Variants in SGCZ observed in about 807,000 individuals in gnomAD.
The protein encoded by SGCZ is zeta-sarcoglycan.
In SGCZ, 40 loss-of-function variants were observed where a neutral mutation model predicts 41.3. The ratio of observed to expected loss-of-function variants is 0.97; its 90% confidence interval spans 0.75 to 1.26. SGCZ has a LOEUF of 1.26. Ranked by LOEUF, SGCZ falls within the 50% of genes most tolerant of loss-of-function variation. The pLI, the probability that SGCZ is intolerant of heterozygous loss-of-function variation, is 0.00. For synonymous variants in SGCZ, 206 were observed against 137.5 expected (o/e 1.50, Z -3.49); for missense variants, 552 against 369.8 (o/e 1.49, Z -4.04).
At chr8:14,283,873 T>C (rs1001833939) in intron 3 of SGCZ, among the ~76,000 whole-genome samples, 1 of 152,240 alleles carries the variant, frequency 6.6e-6, no homozygotes, top group Non-Finnish European at 1.5e-5. Flanking sequence ...CTAGTTTACA[T>C]TAAAAAAATT....
At chr8:14,820,734 G>A (rs1802050715) in intron 1 of SGCZ, among the ~76,000 whole-genome samples, 1 of 151,874 alleles carries the variant, frequency 6.6e-6, no homozygotes, top group African/African-American at 2.4e-5. Flanking sequence ...TTGTTCCTTT[G>A]AAACCAATGG....
At chr8:14,674,379 C>A (rs1189689290) in intron 1 of SGCZ, among the ~76,000 whole-genome samples, 1 of 151,922 alleles carries the variant, frequency 6.6e-6, no homozygotes, top group Non-Finnish European at 1.5e-5. Context: ...TAAAACAGCT[C>A]ATTTTTAAGA....
intron 1 of SGCZ, among the ~76,000 whole-genome samples, chr8:15,217,955 G>C (rs1013260284): frequency 1.3e-5 from 2 of 152,072 alleles, no homozygotes; most frequent in African/African-American, 4.8e-5. Flanking sequence ...ACGGGGTGGC[G>C]TGTGCTTGTA....
chr8:14,721,813 C>A (rs1809895146), intron 1 of SGCZ, among the ~76,000 whole-genome samples: 1 of 152,066 alleles, frequency 6.6e-6, no homozygotes, highest in South Asian at 2.1e-4. Flanking sequence ...CAAACAAAAA[C>A]CCTGTAAGCA....
chr8:14,513,706 T>C (rs979210835), intron 2 of SGCZ, among the ~76,000 whole-genome samples: 6 of 152,132 alleles, frequency 3.9e-5, no homozygotes, highest in Admixed American at 2.6e-4. Context: ...CCTTTTAATA[T>C]GCTTCAGAAA....
chr8:15,140,978 T>C (rs1808299754), intron 1 of SGCZ, among the ~76,000 whole-genome samples: 1 of 152,246 alleles, frequency 6.6e-6, no homozygotes, highest in African/African-American at 2.4e-5. Context: ...TTTATAGCTT[T>C]ACTTAAGCAA....
At chr8:14,229,799 A>G (rs1252565817) in intron 4 of SGCZ, among the ~76,000 whole-genome samples, 5 of 152,132 alleles carry the variant, frequency 3.3e-5, no homozygotes, top group Non-Finnish European at 5.9e-5. Context: ...GCAAGATTGC[A>G]TGTCATTTTC....
chr8:15,017,790 G>A (rs1323329068), intron 1 of SGCZ, among the ~76,000 whole-genome samples: 1 of 152,194 alleles, frequency 6.6e-6, no homozygotes, highest in East Asian at 1.9e-4. Context: ...TCAGGTGTGA[G>A]CCGTGGTGCC....
At chr8:14,750,924 G>T (rs1039109734) in intron 1 of SGCZ, among the ~76,000 whole-genome samples, 6 of 152,106 alleles carry the variant, frequency 3.9e-5, no homozygotes, top group Non-Finnish European at 5.9e-5. Context: ...ATTGAAAACG[G>T]TAGTCAGAAA....
intron 1 of SGCZ, among the ~76,000 whole-genome samples, chr8:15,063,141 G>C (rs1804999298): frequency 6.6e-6 from 1 of 152,092 alleles, no homozygotes; most frequent in Non-Finnish European, 1.5e-5. Context: ...AAGTTCCACG[G>C]TGCTATGTAT....
chr8:14,524,194 G>C (rs1563385124), intron 2 of SGCZ, among the ~76,000 whole-genome samples: 1 of 151,602 alleles, frequency 6.6e-6, no homozygotes, highest in Non-Finnish European at 1.5e-5. Flanking sequence ...TGGCTACAAG[G>C]CTCTGTTTCA....
At chr8:14,907,414 C>G (rs574272963) in intron 1 of SGCZ, among the ~76,000 whole-genome samples, 3 of 152,186 alleles carry the variant, frequency 2.0e-5, no homozygotes, top group East Asian at 1.9e-4. Context: ...TCTCCAACTC[C>G]TGGGCTCAAG....
At chr8:14,814,540 C>G (rs908381981) in intron 1 of SGCZ, among the ~76,000 whole-genome samples, 16 of 152,184 alleles carry the variant, frequency 1.1e-4, no homozygotes, top group African/African-American at 3.6e-4. Context: ...GTATGTAAAG[C>G]AGCATCTCAT....
chr8:14,209,009 A>G (rs555213145), intron 4 of SGCZ, among the ~76,000 whole-genome samples: 1 of 152,344 alleles, frequency 6.6e-6, no homozygotes, highest in East Asian at 1.9e-4. Context: ...GAATGCTGGT[A>G]GCTGTGCCAA....
intron 2 of SGCZ, among the ~76,000 whole-genome samples, chr8:14,357,827 G>T (rs1445987747): frequency 1.3e-5 from 2 of 152,090 alleles, no homozygotes. Flanking sequence ...AGAGAAACTG[G>T]TATTTTCTTG....
At chr8:15,081,493 C>CTT (rs10659307) in intron 1 of SGCZ, among the ~76,000 whole-genome samples, 11,558 of 139,644 alleles carry the variant, frequency 0.083, 673 homozygotes, top group East Asian at 0.29. Flanking sequence ...GATCCAATGG[C>CTT]TTTTTTTTTT....
chr8:15,149,700 A>T (rs1799125554), intron 1 of SGCZ, among the ~76,000 whole-genome samples: 1 of 144,164 alleles, frequency 6.9e-6, no homozygotes, highest in African/African-American at 2.7e-5. Context: ...TGCTGGTATA[A>T]CTATAAACTA....
At chr8:14,616,057 G>A (rs1053537919) in intron 1 of SGCZ, among the ~76,000 whole-genome samples, 4 of 152,114 alleles carry the variant, frequency 2.6e-5, no homozygotes, top group Admixed American at 1.3e-4. Context: ...GCTGAGGCGG[G>A]CAGATCACGA....
chr8:14,468,149 C>G (rs1801104425), intron 2 of SGCZ, among the ~76,000 whole-genome samples: 1 of 151,924 alleles, frequency 6.6e-6, no homozygotes, highest in Non-Finnish European at 1.5e-5. Context: ...CCAGTTCCAT[C>G]ACTTTCTAGC....
Sources: allele counts gnomAD v4.1 joint callset (sites outside exome capture counted in the v4.1 genomes callset), GRCh38; gene constraint gnomAD v4.1.1; transcripts MANE v1.5; gene names NCBI Gene and HGNC (gene_info 2026-07-23, HGNC 2026-07-21).